Variants in DHX8 observed in about 807,000 individuals in gnomAD.
DHX8 encodes DEAH-box helicase 8.
A neutral mutation model predicts 140.7 loss-of-function variants in DHX8; 67 were observed. The observed-to-expected ratio is 0.48, with a 90% CI of 0.39 to 0.58. The LOEUF is 0.58. Ranked by LOEUF, DHX8 falls within the 20% of genes least tolerant of loss-of-function variation. The pLI is 0.00. For synonymous variants in DHX8, 533 were observed against 553.2 expected (o/e 0.96, Z 0.51); for missense variants, 887 against 1,550.7 (o/e 0.57, Z 7.19).
intron 18 of DHX8, chr17:43,519,914 C>CT: frequency 2.1e-6 from 1 of 468,580 alleles, no homozygotes; most frequent in Non-Finnish European, 3.8e-6. Flanking sequence ...GCACTCCAGC[C>CT]TGGGTGACAG....
chr17:43,490,857 G>A (rs920098807), intron 3 of DHX8, among the ~76,000 whole-genome samples: 3 of 152,140 alleles, frequency 2.0e-5, no homozygotes, highest in African/African-American at 7.2e-5. Context: ...CTGAGTGACA[G>A]AGGTTTTTTT....
chr17:43,509,146 GC>G (rs1160474140), intron 16 of DHX8, among the ~76,000 whole-genome samples: 1 of 152,184 alleles, frequency 6.6e-6, no homozygotes, highest in African/African-American at 2.4e-5. Context: ...CAGACTTTCA[GC>G]ATTTAGTGTG....
chr17:43,533,399 T>C, intron 2 of DHX8: 1 of 1,542,828 alleles, frequency 6.5e-7, no homozygotes, highest in Non-Finnish European at 8.9e-7. Context: ...CTGGAAAGCA[T>C]CTTTGAACCC....
intron 3 of DHX8, among the ~76,000 whole-genome samples, chr17:43,543,276 ACTCT>A (rs60214474): frequency 2.0e-4 from 28 of 138,250 alleles, no homozygotes; most frequent in East Asian, 9.0e-4. Flanking sequence ...ACACACACAC[ACTCT>A]CTCTCTCTCT....
At chr17:43,512,336 G>A (rs999396903) in intron 16 of DHX8, among the ~76,000 whole-genome samples, 2 of 147,228 alleles carry the variant, frequency 1.4e-5, no homozygotes, top group East Asian at 2.0e-4. Flanking sequence ...GCAGTAAGCC[G>A]AGATTGCACC....
chr17:43,535,903 G>C (rs1171253926), intron 2 of DHX8, among the ~76,000 whole-genome samples: 1 of 152,196 alleles, frequency 6.6e-6, no homozygotes, highest in Non-Finnish European at 1.5e-5. Context: ...ACAAGGTCAG[G>C]AATTCGAGAC....
At chr17:43,529,051 G>C (rs1281314041), downstream of DHX8, 1 of 1,291,884 alleles carries the variant, frequency 7.7e-7, no homozygotes, top group Non-Finnish European at 1.1e-6. Context: ...AAGTTGCTGA[G>C]AACTGCCCTG....
At chr17:43,519,957 T>G in intron 18 of DHX8, 173 bp from the exon 19 acceptor site, 1 of 631,234 alleles carries the variant, frequency 1.6e-6, no homozygotes, top group Non-Finnish European at 2.8e-6. Context: ...GTGCTTTCTA[T>G]TATAATAGTC....
chr17:43,487,734 C>T (rs540697689), intron 1 of DHX8, among the ~76,000 whole-genome samples: 3 of 151,782 alleles, frequency 2.0e-5, no homozygotes, highest in South Asian at 2.1e-4. Context: ...CCCAGCACTT[C>T]GGGAGGCTGA....
Position 43,524,527 on chromosome 17 carries a change from GC to G in DHX8, c.*682del. The G allele has an allele frequency of 3.0e-6, 3 of 986,540 alleles. No homozygotes were observed. The highest frequency in any genetic ancestry group is 3.6e-6 in the Non-Finnish European group (3 of 830,952). The allele number at this position is 986,540 out of a possible 1,614,324, so 61.1% of individuals were successfully genotyped here. A position where few individuals can be genotyped will look rare whatever the true frequency, so the allele number is the denominator to read the frequency against. On this transcript the variant is annotated 3_prime_UTR_variant, in exon 23 of 23. Transcript: ENST00000262415. ...GTCTTTCAGCATCAGCACTAGCCGG[GC>G]CGTGCTGGGGGATCACCCGATGATC...
chr17:43,533,021 A>C, intron 2 of DHX8: 1 of 1,513,514 alleles, frequency 6.6e-7, no homozygotes, highest in African/African-American at 1.4e-5. Context: ...AGGCTTTTAG[A>C]GTGGGCTCCG....
In DHX8 at chr17:43,492,285, G is replaced by A. The variant is rs534074887; in HGVS notation, c.496G>A (p.Glu166Lys). 8.1e-6 allele frequency: 13 copies of A among 1,613,172 alleles called. 1 individual carries two copies. In the South Asian group the frequency reaches 1.4e-4, roughly 18 times the overall value. ...AAGQEKQRDA[E>K]HRDRTKKKKR... ...AGGCCAGGAGAAGCAAAGAGATGCT[G>A]AACACCGGTTTGTCCTTAGTGTCCT... Residue 166 changes from glutamate (E) to lysine (K), a missense_variant, in exon 5 of 23, where the codon GAA becomes AAA. This residue lies in a region of DHX8 where 304 missense variants were observed against 306.9 expected (regional missense o/e 0.99). Coordinates refer to ENST00000262415, the MANE Select transcript of DHX8 (RefSeq NM_004941.3).
At chr17:43,499,434 A>C (rs372198669) in intron 10 of DHX8, among the ~76,000 whole-genome samples, 1 of 152,238 alleles carries the variant, frequency 6.6e-6, no homozygotes, top group Non-Finnish European at 1.5e-5. Flanking sequence ...AGCCCAGCAC[A>C]TATGAAATGC....
intron 11 of DHX8, among the ~76,000 whole-genome samples, chr17:43,504,391 C>G (rs982388031): frequency 6.6e-6 from 1 of 152,174 alleles, no homozygotes; most frequent in Non-Finnish European, 1.5e-5. Context: ...GCAGTCAGGT[C>G]TTCACTTCTC....
At chr17:43,521,244 T>C in intron 20 of DHX8, 125 bp from the exon 21 acceptor site, 1 of 786,960 alleles carries the variant, frequency 1.3e-6, no homozygotes, top group Non-Finnish European at 2.0e-6. Flanking sequence ...ATTACAGGCC[T>C]GAGCCATCAT....
chr17:43,528,587 G>A (rs770702451), downstream of DHX8: 1 of 1,613,962 alleles, frequency 6.2e-7, no homozygotes, highest in Non-Finnish European at 8.5e-7. Context: ...AGGTAGGCGG[G>A]GCTCTCATCC....
chr17:43,517,925 G>A (rs1268553987), intron 18 of DHX8: 1 of 152,158 alleles, frequency 6.6e-6, no homozygotes, highest in African/African-American at 2.4e-5. Context: ...AGAGTGCTCT[G>A]TTGTCATTTA....
intron 11 of DHX8, among the ~76,000 whole-genome samples, chr17:43,501,727 C>T (rs1166595151): frequency 1.1e-5 from 1 of 87,820 alleles, no homozygotes; most frequent in South Asian, 3.8e-4. Context: ...TCAGGTGATC[C>T]CCCCCCCATC....
exon 4 of DHX8, chr17:43,544,324 A>G (rs1971687316): frequency 6.5e-6 from 1 of 152,866 alleles, no homozygotes; most frequent in Non-Finnish European, 1.5e-5. Flanking sequence ...GAAGGGGGGA[A>G]TTTGCCTGGA....
Sources: allele counts gnomAD v4.1 joint callset (sites outside exome capture counted in the v4.1 genomes callset), GRCh38; gene constraint gnomAD v4.1.1; regional missense constraint gnomAD v4.1.1; transcripts MANE v1.5; gene names NCBI Gene and HGNC (gene_info 2026-07-23, HGNC 2026-07-21).